The following TMEM45A variants were observed in gnomAD, a reference collection of about 807,000 sequenced individuals.
The protein encoded by TMEM45A is transmembrane protein 45A.
TMEM45A carries 25 observed loss-of-function variants against 32.0 expected under a neutral mutation model. The observed-to-expected ratio is 0.78, with a 90% CI of 0.57 to 1.09. TMEM45A has a LOEUF of 1.09. Among genes scored for constraint, TMEM45A ranks in the 50% least tolerant of loss-of-function variants. The pLI is 0.00. For synonymous variants in TMEM45A, 122 were observed against 114.8 expected (o/e 1.06, Z -0.40); for missense variants, 302 against 325.0 (o/e 0.93, Z 0.54).
intron 1 of TMEM45A, among the ~76,000 whole-genome samples, chr3:100,506,036 C>T (rs887085243): frequency 1.3e-5 from 2 of 152,120 alleles, no homozygotes; most frequent in African/African-American, 2.4e-5. Flanking sequence ...GATTCAGCAT[C>T]GTACTGACCA....
rs145327945 is a variant in TMEM45A, at chr3:100,506,095, G to A, written c.-4+13167G>A. On this transcript the variant is annotated intron_variant, in intron 1 of 5. Coordinates refer to ENST00000323523, the MANE Select transcript of TMEM45A (RefSeq NM_018004.3). Reference sequence around the variant, plus strand: ...TGGAGACCTGGGGGCCAAGCTTGTGGGGGGAAGAGAACAGAGCCTGGCTCT... The same window carrying A: ...TGGAGACCTGGGGGCCAAGCTTGTGAGGGGAAGAGAACAGAGCCTGGCTCT... Among the ~76,000 whole-genome samples the A allele has an allele frequency of 2.3e-3, 356 of 152,272 alleles. 1 individual carries two copies. The highest frequency in any genetic ancestry group is 8.0e-3 in the African/African-American group (332 of 41,542).
chr3:100,506,611 C>G (rs1331568206), intron 1 of TMEM45A, among the ~76,000 whole-genome samples: 1 of 152,218 alleles, frequency 6.6e-6, no homozygotes, highest in Non-Finnish European at 1.5e-5. Context: ...AGCACTTCCT[C>G]TTTCATGTCT....
At chr3:100,511,577 A>G (rs555557059) in intron 1 of TMEM45A, among the ~76,000 whole-genome samples, 7 of 152,278 alleles carry the variant, frequency 4.6e-5, no homozygotes, top group African/African-American at 1.7e-4. Flanking sequence ...AATGAGCAAA[A>G]TAACCAGCTA....
chr3:100,549,168 A>G (rs901137962), intron 1 of TMEM45A, among the ~76,000 whole-genome samples: 6 of 151,896 alleles, frequency 4.0e-5, no homozygotes, highest in African/African-American at 1.5e-4. Flanking sequence ...AATCACTTCA[A>G]CCCGGGAGGT....
chr3:100,514,690 AC>A (rs1328067373), intron 1 of TMEM45A, among the ~76,000 whole-genome samples: 1 of 152,194 alleles, frequency 6.6e-6, no homozygotes, highest in African/African-American at 2.4e-5. Context: ...TGAACAGGCA[AC>A]CTACAAAATG....
chr3:100,515,227 C>G (rs1321459744), intron 1 of TMEM45A, among the ~76,000 whole-genome samples: 3 of 151,950 alleles, frequency 2.0e-5, no homozygotes, highest in Non-Finnish European at 4.4e-5. Flanking sequence ...TGGAACCAAC[C>G]CAAATGTCCA....
chr3:100,555,086 A>T (rs907383392), intron 1 of TMEM45A, 123 bp from the exon 2 acceptor site: 10 of 845,472 alleles, frequency 1.2e-5, no homozygotes, highest in Non-Finnish European at 3.7e-6. Context: ...GATCCTCAGA[A>T]TCATCCTCAG....
At chr3:100,564,777 C>T (rs1305828205) in intron 4 of TMEM45A, among the ~76,000 whole-genome samples, 1 of 152,228 alleles carries the variant, frequency 6.6e-6, no homozygotes, top group African/African-American at 2.4e-5. Flanking sequence ...AGCCACCACA[C>T]CTGGCCGCAA....
At chr3:100,538,369 A>G (rs989394703) in intron 1 of TMEM45A, among the ~76,000 whole-genome samples, 3 of 151,822 alleles carry the variant, frequency 2.0e-5, no homozygotes, top group Non-Finnish European at 4.4e-5. Flanking sequence ...AACACAAAAC[A>G]AAACAAACAG....
intron 2 of TMEM45A, 38 bp downstream of exon 2, chr3:100,555,439 G>T: frequency 1.3e-6 from 2 of 1,536,476 alleles, no homozygotes; most frequent in South Asian, 1.3e-5. Context: ...TTACCTTTTA[G>T]GTGTTTTCAT....
chr3:100,534,223 T>C (rs1241692325), intron 1 of TMEM45A, among the ~76,000 whole-genome samples: 1 of 152,222 alleles, frequency 6.6e-6, no homozygotes, highest in Non-Finnish European at 1.5e-5. Context: ...ATAAGCTGAA[T>C]AATGGCCTTC....
chr3:100,509,854 G>A (rs974995741), intron 1 of TMEM45A, among the ~76,000 whole-genome samples: 4 of 152,210 alleles, frequency 2.6e-5, no homozygotes, highest in African/African-American at 9.6e-5. Flanking sequence ...AGAAAGGGGC[G>A]ACAGACGGCA....
At chr3:100,517,938 C>T (rs1039821417) in intron 1 of TMEM45A, among the ~76,000 whole-genome samples, 1 of 152,182 alleles carries the variant, frequency 6.6e-6, no homozygotes, top group African/African-American at 2.4e-5. Flanking sequence ...TTACCTCCAC[C>T]TCCAAGCCAT....
intron 1 of TMEM45A, among the ~76,000 whole-genome samples, chr3:100,516,646 T>A (rs1708266487): frequency 6.6e-6 from 1 of 152,194 alleles, no homozygotes; most frequent in Non-Finnish European, 1.5e-5. Flanking sequence ...AGGTTCTCAT[T>A]GACACAGAAA....
At chr3:100,505,795 T>G (rs932532892) in intron 1 of TMEM45A, among the ~76,000 whole-genome samples, 1 of 152,016 alleles carries the variant, frequency 6.6e-6, no homozygotes, top group Non-Finnish European at 1.5e-5. Flanking sequence ...CTCTAAGAAA[T>G]AGGAGACAAA....
At chr3:100,559,321 T>C (rs1292365761) in intron 4 of TMEM45A, among the ~76,000 whole-genome samples, 1 of 152,226 alleles carries the variant, frequency 6.6e-6, no homozygotes, top group African/African-American at 2.4e-5. Context: ...AAGAGATTTT[T>C]AGTCACCAGA....
intron 1 of TMEM45A, among the ~76,000 whole-genome samples, chr3:100,508,189 C>T (rs1249082607): frequency 6.6e-6 from 1 of 152,050 alleles, no homozygotes; most frequent in Non-Finnish European, 1.5e-5. Context: ...CTCTCACAGA[C>T]CCTGAGACTA....
At chr3:100,515,894 T>C (rs1435708598) in intron 1 of TMEM45A, among the ~76,000 whole-genome samples, 2 of 152,080 alleles carry the variant, frequency 1.3e-5, no homozygotes, top group African/African-American at 4.8e-5. Flanking sequence ...AAATATACAT[T>C]CATATAGAAA....
intron 1 of TMEM45A, among the ~76,000 whole-genome samples, chr3:100,528,598 G>A (rs1320807371): frequency 6.6e-6 from 1 of 152,074 alleles, no homozygotes; most frequent in African/African-American, 2.4e-5. Context: ...TTTCCGAGAA[G>A]CATGGCAGAC....
Sources: allele counts gnomAD v4.1 joint callset (sites outside exome capture counted in the v4.1 genomes callset), GRCh38; gene constraint gnomAD v4.1.1; transcripts MANE v1.5; gene names NCBI Gene and HGNC (gene_info 2026-07-23, HGNC 2026-07-21).